Variants in PCDHGB5 observed in about 807,000 individuals in gnomAD.
PCDHGB5 encodes the protein protocadherin gamma-B5.
In PCDHGB5, 48 loss-of-function variants were observed where a neutral mutation model predicts 62.9. The observed-to-expected ratio is 0.76, with a 90% CI of 0.61 to 0.97. The LOEUF (loss-of-function observed/expected upper bound fraction) is 0.97. Among genes scored for constraint, PCDHGB5 ranks in the 50% least tolerant of loss-of-function variants. The probability of loss-of-function intolerance (pLI) is 0.00; values close to 1 mark genes in which losing one functional copy is unlikely to be tolerated. For synonymous variants in PCDHGB5, 474 were observed against 511.2 expected (o/e 0.93, Z 0.98); for missense variants, 1,118 against 1,198.6 (o/e 0.93, Z 0.99).
chr5:141,413,446 G>T, intron 1 of PCDHGB5: 4 of 1,614,130 alleles, frequency 2.5e-6, no homozygotes, highest in Non-Finnish European at 3.4e-6. Context: ...CTTGATCACC[G>T]CGGGCAGGAT....
rs1594492695 is a variant in PCDHGB5 at position 141,485,536 on chromosome 5, A to G, written c.2398-9271A>G. On this transcript the variant is annotated intron_variant, in intron 1 of 3. Transcript: ENST00000617380. The surrounding 1 kb of genome is among the most constrained non-coding windows in gnomAD (Gnocchi z 5.7). ...CTTTGGAAATGTACCGAGCAGAGGTAGAGATCGTAGATGTGAATGATCACG... is the reference window on the plus strand; with the variant it reads ...CTTTGGAAATGTACCGAGCAGAGGTGGAGATCGTAGATGTGAATGATCACG... 3 of 1,613,976 alleles carry G rather than the reference A, an allele frequency of 1.9e-6. No homozygotes were observed. The highest frequency in any genetic ancestry group is 2.5e-6 in the Non-Finnish European group (3 of 1,179,946).
intron 1 of PCDHGB5, chr5:141,428,860 CT>C (rs34152666): frequency 0.3 from 42,955 of 145,250 alleles, 7,185 homozygotes; most frequent in African/African-American, 0.5. Flanking sequence ...TTACGGGAGA[CT>C]TTTTTTTTTT....
At chr5:141,500,184 TTTTATTTATTTA>T (rs58019021) in intron 2 of PCDHGB5, among the ~76,000 whole-genome samples, 197 of 135,960 alleles carry the variant, frequency 1.4e-3, no homozygotes, top group African/African-American at 3.6e-3. Context: ...TCATTTTTAT[TTTTATTTATTTA>T]TTTATTTATT....
intron 1 of PCDHGB5, among the ~76,000 whole-genome samples, chr5:141,471,995 TG>T: frequency 6.6e-6 from 1 of 152,322 alleles, no homozygotes; most frequent in East Asian, 1.9e-4. Context: ...TAAAAATCCC[TG>T]CATCGTATAG....
chr5:141,500,365 C>T (rs888624200), intron 2 of PCDHGB5, among the ~76,000 whole-genome samples: 5 of 151,956 alleles, frequency 3.3e-5, no homozygotes, highest in South Asian at 2.1e-4. Flanking sequence ...CCCACTACCA[C>T]GCCCGGCTAA....
At chr5:141,508,371 C>T (rs1250979168) in intron 3 of PCDHGB5, 1 of 152,226 alleles carries the variant, frequency 6.6e-6, no homozygotes, top group East Asian at 1.9e-4. Flanking sequence ...CAACTTCTTC[C>T]CCTCAGATTT....
intron 2 of PCDHGB5, among the ~76,000 whole-genome samples, chr5:141,505,117 G>A (rs575627148): frequency 1.8e-4 from 27 of 152,226 alleles, no homozygotes; most frequent in African/African-American, 3.6e-4. Context: ...AGCCAAGATC[G>A]CGCCACTGCA....
Position 141,511,132 on chromosome 5 carries a change from A to G in PCDHGB5, c.2731A>G (p.Asn911Asp). The change falls in exon 4 of 4, where the codon AAT (asparagine) becomes GAT (aspartate). Residue 911 changes from asparagine to aspartate, a missense_variant. Around this residue, in one of 2 missense-constraint regions of PCDHGB5, gnomAD observed 1,034 missense variants for 1,029.1 expected, o/e 1.00. Coordinates refer to ENST00000617380, the MANE Select transcript of PCDHGB5 (RefSeq NM_018925.3). ...GGATGGCAAGGCCCCAGCAGGTGGC[A>G]ATGGCAACAAGAAGAAGTCGGGCAA... ...KRDGKAPAGG[N>D]GNKKKSGKKE... is the part of the protein sequence containing the mutation. The G allele has an allele frequency of 6.2e-7, 1 of 1,614,218 alleles. No individual in the cohort carries two copies. Among genetic ancestry groups the G allele is most frequent in the Non-Finnish European group, 8.5e-7 (1 of 1,180,018 alleles).
At chr5:141,414,472 A>C (rs1039987036) in intron 1 of PCDHGB5, 5 of 1,613,796 alleles carry the variant, frequency 3.1e-6, no homozygotes, top group African/African-American at 1.3e-5. Flanking sequence ...AGATGGGGGA[A>C]GTCCTCCTCT....
At chr5:141,418,171 G>A (rs2096234086) in intron 1 of PCDHGB5, 1 of 1,613,952 alleles carries the variant, frequency 6.2e-7, no homozygotes, top group African/African-American at 1.3e-5. Flanking sequence ...GATGTGAGTT[G>A]CAATTGGAAG....
chr5:141,458,888 T>C (rs756640295), intron 1 of PCDHGB5, among the ~76,000 whole-genome samples: 3 of 152,118 alleles, frequency 2.0e-5, no homozygotes, highest in Non-Finnish European at 2.9e-5. Flanking sequence ...ATGCACACCA[T>C]GCGCAGCTAA....
intron 1 of PCDHGB5, chr5:141,410,442 C>G (rs1444532577): frequency 6.2e-7 from 1 of 1,613,942 alleles, no homozygotes; most frequent in Admixed American, 1.7e-5. Context: ...AGTGAGGGGA[C>G]TTTGCCTTAT....
At position 141,486,694 on chromosome 5, in the gene PCDHGB5, C is replaced by T. The variant is rs1275794121; in HGVS notation, c.2398-8113C>T. ...ATCGAGATGTATCAGCTTCCTCTTTCATCTCTCTGAACCCCCAGACAGGAG... is the reference window on the plus strand; with the variant it reads ...ATCGAGATGTATCAGCTTCCTCTTTTATCTCTCTGAACCCCCAGACAGGAG... On this transcript the variant is annotated intron_variant, in intron 1 of 3. Transcript: ENST00000617380. This position sits in a 1 kb window ranked among gnomAD's most constrained non-coding sequence, Gnocchi z 5.0. 1.2e-6 allele frequency: 2 copies of T among 1,614,168 alleles called. No individual in the cohort carries two copies. Among genetic ancestry groups the T allele is most frequent in the Non-Finnish European group, 1.7e-6 (2 of 1,180,044 alleles).
chr5:141,442,716 G>A (rs1367250926), intron 1 of PCDHGB5, among the ~76,000 whole-genome samples: 1 of 152,206 alleles, frequency 6.6e-6, no homozygotes, highest in East Asian at 1.9e-4. Context: ...ACATGCCAGA[G>A]CATTTGGGGC....
chr5:141,469,821 G>GTCAC (rs2099212195), intron 1 of PCDHGB5, among the ~76,000 whole-genome samples: 1 of 152,028 alleles, frequency 6.6e-6, no homozygotes, highest in African/African-American at 2.4e-5. Flanking sequence ...TAGAATGGAG[G>GTCAC]TCACATAAAA....
Position 141,431,883 on chromosome 5 carries a change from A to T in PCDHGB5, c.2397+31359A>T, listed in dbSNP as rs748968989. 6.8e-6 allele frequency: 11 copies of T among 1,614,118 alleles called. No individual in the cohort carries two copies. The highest frequency in any genetic ancestry group is 1.1e-5 in the South Asian group (1 of 91,084). On this transcript the variant is annotated intron_variant, in intron 1 of 3. Transcript: ENST00000617380. The surrounding 1 kb of genome is among the most constrained non-coding windows in gnomAD (Gnocchi z 4.8). ...GCCCTTTTAAATGTAAATGACCAAG[A>T]TTCTGAGGAAAACGGACAGGTGATC...
chr5:141,505,618 A>G, intron 3 of PCDHGB5, 137 bp downstream of exon 3: 6 of 1,496,136 alleles, frequency 4.0e-6, no homozygotes, highest in Non-Finnish European at 5.4e-6. Flanking sequence ...GAAAGGACCC[A>G]CAATTCCAAA....
rs2099691833 is a variant in PCDHGB5, at chr5:141,489,761, C to A, written c.2398-5046C>A. 8.1e-6 allele frequency: 13 copies of A among 1,614,102 alleles called. No individual in the cohort carries two copies. The highest frequency in any genetic ancestry group is 1.1e-5 in the Non-Finnish European group (13 of 1,179,962). ...ACTGTGAGCTTTTACACTCTAAGCCCCAACAGCCACTTCTCTCTGAATGTG... is the reference window on the plus strand; with the variant it reads ...ACTGTGAGCTTTTACACTCTAAGCCACAACAGCCACTTCTCTCTGAATGTG... On this transcript the variant is annotated intron_variant, in intron 1 of 3. Coordinates refer to ENST00000617380, the MANE Select transcript of PCDHGB5 (RefSeq NM_018925.3). The surrounding 1 kb of genome is among the most constrained non-coding windows in gnomAD (Gnocchi z 4.5).
At chr5:141,455,020 G>A (rs201196115) in intron 1 of PCDHGB5, among the ~76,000 whole-genome samples, 1 of 151,166 alleles carries the variant, frequency 6.6e-6, no homozygotes, top group African/African-American at 2.4e-5. Context: ...CACCGTGTTA[G>A]CCAGGATGGT....
Sources: allele counts gnomAD v4.1 joint callset (sites outside exome capture counted in the v4.1 genomes callset), GRCh38; gene constraint gnomAD v4.1.1; regional missense constraint gnomAD v4.1.1; non-coding constraint Gnocchi (gnomAD v3.1); transcripts MANE v1.5; gene names NCBI Gene and HGNC (gene_info 2026-07-23, HGNC 2026-07-21).